COL8A2: variants seen among roughly 807,000 people sequenced by gnomAD.
COL8A2 encodes the protein collagen type VIII alpha 2 chain.
A neutral mutation model predicts 24.0 loss-of-function variants in COL8A2; 16 were observed. The observed-to-expected ratio is 0.67, with a 90% CI of 0.45 to 1.01. The LOEUF (loss-of-function observed/expected upper bound fraction) is 1.01, where lower values mean the gene tolerates loss of function less well. Among genes scored for constraint, COL8A2 ranks in the 50% least tolerant of loss-of-function variants. The pLI is 0.00. For synonymous variants in COL8A2, 466 were observed against 424.5 expected (o/e 1.10, Z -1.20); for missense variants, 818 against 942.4 (o/e 0.87, Z 1.73).
In COL8A2 at chr1:36,099,086, G is replaced by A; in HGVS notation, c.595C>T (p.Pro199Ser). 1 of 1,506,964 alleles carries A rather than the reference G, an allele frequency of 6.6e-7. No homozygotes were observed. Among genetic ancestry groups the A allele is most frequent in the Non-Finnish European group, 8.9e-7 (1 of 1,129,502 alleles). The allele number at this position is 1,506,964 out of a possible 1,614,324, so 93.3% of individuals were successfully genotyped here. A position where few individuals can be genotyped will look rare whatever the true frequency, so the allele number is the denominator to read the frequency against. The change falls in exon 4 of 4, where the codon CCA becomes TCA. Residue 199 changes from proline to serine, a missense_variant. This residue lies in a region of COL8A2 where 573 missense variants were observed against 616.8 expected (regional missense o/e 0.93). Coordinates refer to ENST00000397799, the MANE Select transcript of COL8A2 (RefSeq NM_005202.4). Reference protein sequence around the residue: ...EPGPQGEPGPPGDRGLKGDNG... With the variant: ...EPGPQGEPGPSGDRGLKGDNG... Reference sequence around the variant, plus strand: ...TCCCCCTTGAGGCCTCGATCACCTGGGGGCCCAGGCTCCCCCTGGGGCCCT... The same window carrying A: ...TCCCCCTTGAGGCCTCGATCACCTGAGGGCCCAGGCTCCCCCTGGGGCCCT...
Position 36,097,843 on chromosome 1 carries a change from G to T in COL8A2, c.1838C>A (p.Thr613Asn), listed in dbSNP as rs914457455. 6.2e-7 allele frequency: 1 copy of T among 1,613,248 alleles called. No individual in the cohort carries two copies. Among genetic ancestry groups the T allele is most frequent in the East Asian group, 2.2e-5 (1 of 44,890 alleles). The change falls in exon 4 of 4, where the codon ACC (threonine) becomes AAC (asparagine). Residue 613 changes from threonine (T) to asparagine (N), a missense_variant. Coordinates refer to ENST00000397799, the MANE Select transcript of COL8A2 (RefSeq NM_005202.4). ...SGYNPATGIFTCPVGGVYYFA... is the reference protein window; with the variant it reads ...SGYNPATGIFNCPVGGVYYFA... ...GTAGTAGACGCCGCCCACAGGGCAG[G>T]TGAAGATGCCAGTGGCTGGGTTGTA... is the stretch of plus-strand genomic sequence containing the variant.
Position 36,115,968 on chromosome 1 carries a change from GTGGGTGGTAT to G in COL8A2, c.-61-226_-61-217del, listed in dbSNP as rs1330374301. 6.6e-6 allele frequency among the ~76,000 whole-genome samples: 1 copy of G among 151,740 alleles called. No homozygotes were observed. Among genetic ancestry groups the G allele is most frequent in the Non-Finnish European group, 1.5e-5 (1 of 67,952 alleles). On this transcript the variant is annotated intron_variant, in intron 1 of 3. Coordinates refer to ENST00000397799, the MANE Select transcript of COL8A2 (RefSeq NM_005202.4). This position sits in a 1 kb window ranked among gnomAD's most constrained non-coding sequence, Gnocchi z 5.7. ...AGTCCCAGCTACTTAGGAGGCTGAG[GTGGGTGGTAT>G]TGCTTGAGCCCAGGAGTTCAAGACT...
intron 2 of COL8A2, among the ~76,000 whole-genome samples, chr1:36,101,044 C>A (rs971337122): frequency 3.3e-5 from 5 of 152,040 alleles, no homozygotes; most frequent in African/African-American, 1.2e-4. Context: ...TAGGTGTGTG[C>A]CACCACGCCT....
At chr1:36,102,720 G>A (rs1643697881) in intron 2 of COL8A2, among the ~76,000 whole-genome samples, 1 of 125,486 alleles carries the variant, frequency 8.0e-6, no homozygotes, top group Admixed American at 1.0e-4. Context: ...TGCCCAGGCT[G>A]GAGTGCAGTG....
In COL8A2 at chr1:36,097,377, AACTC is replaced by A. The variant is rs1239962882; in HGVS notation, c.*188_*191del. On this transcript the variant is annotated 3_prime_UTR_variant, in exon 4 of 4. Coordinates refer to ENST00000397799, the MANE Select transcript of COL8A2 (RefSeq NM_005202.4). ...ACTGCACAGACATTTGGGGGAAAGA[AACTC>A]AGGCCAGCCCCTTCCAGAAACAATC... is the stretch of plus-strand genomic sequence containing the variant. 3 of 601,460 alleles carry A rather than the reference AACTC, an allele frequency of 5.0e-6. No individual in the cohort carries two copies. Among genetic ancestry groups the A allele is most frequent in the South Asian group, 4.0e-5 (2 of 49,784 alleles). The allele number at this position is 601,460 out of a possible 1,614,324, so 37.3% of individuals were successfully genotyped here.
intron 2 of COL8A2, among the ~76,000 whole-genome samples, chr1:36,108,967 A>G (rs1049964877): frequency 6.6e-6 from 1 of 152,122 alleles, no homozygotes; most frequent in Non-Finnish European, 1.5e-5. Context: ...AGAGGTCTCA[A>G]TAAAAAAGGG....
At chr1:36,124,988 A>G (rs1249341071) in intron 1 of COL8A2, 69 bp downstream of exon 1, 6 of 601,332 alleles carry the variant, frequency 1.0e-5, no homozygotes, top group Non-Finnish European at 1.3e-5. Context: ...GTGTTGGGGG[A>G]AGCCCAGCCC....
rs80358192 is a variant in COL8A2 at position 36,098,332 on chromosome 1, A to G, written c.1349T>C (p.Leu450Ser). The change falls in exon 4 of 4, where the codon TTG becomes TCG. Residue 450 changes from leucine to serine, a missense_variant. Around this residue, in one of 3 missense-constraint regions of COL8A2, gnomAD observed 573 missense variants for 616.8 expected, o/e 0.93. Transcript: ENST00000397799. The part of the protein sequence containing the change: ...VAGALGQKGD[L>S]GLPGQPGLRG... ...CAGGCCAGGCTGCCCAGGGAGCCCC[A>G]AGTCACCTTTCTGCCCCAGGGCTCC... 46 of 1,549,910 alleles carry G rather than the reference A, an allele frequency of 3.0e-5. No homozygotes were observed. In the African/African-American group the frequency reaches 5.8e-4, roughly 19 times the overall value.
chr1:36,099,632 TG>T (rs1202664919), intron 3 of COL8A2, 145 bp from the exon 4 acceptor site: 4 of 699,686 alleles, frequency 5.7e-6, no homozygotes, highest in South Asian at 1.7e-5. Flanking sequence ...AGATGGGGTT[TG>T]GGGGTGGCCC....
chr1:36,100,391 T>A, intron 2 of COL8A2, 133 bp from the exon 3 acceptor site: 1 of 875,754 alleles, frequency 1.1e-6, no homozygotes, highest in Admixed American at 2.2e-5. Context: ...CAATTCCGAA[T>A]TTAGATATTA....
intron 2 of COL8A2, among the ~76,000 whole-genome samples, chr1:36,107,588 C>A (rs528419927): frequency 2.0e-5 from 3 of 152,180 alleles, no homozygotes; most frequent in Non-Finnish European, 4.4e-5. Context: ...ATGCGCCCAT[C>A]TGGGTGGAGC....
chr1:36,109,929 CTT>C (rs35479902), intron 2 of COL8A2, among the ~76,000 whole-genome samples: 6,623 of 92,028 alleles, frequency 0.072, 260 homozygotes, highest in East Asian at 0.27. Context: ...CCTTTACTTC[CTT>C]TTTTTTTTTT....
At chr1:36,122,264 G>T (rs961505236) in intron 1 of COL8A2, among the ~76,000 whole-genome samples, 3 of 152,172 alleles carry the variant, frequency 2.0e-5, no homozygotes, top group African/African-American at 7.2e-5. Context: ...CTGAGGCACA[G>T]AGCTGGGAAG....
Position 36,097,896 on chromosome 1 carries a change from G to A in COL8A2, c.1785C>T (p.Asp595=). The A allele has an allele frequency of 6.2e-7, 1 of 1,612,436 alleles. No homozygotes were observed. Among genetic ancestry groups the A allele is most frequent in the Non-Finnish European group, 8.5e-7 (1 of 1,179,994 alleles). Residue 595 remains aspartate, a synonymous_variant, in exon 4 of 4, where the codon GAC becomes GAT. Transcript: ENST00000397799. ...FPASGMPVKF[D]RTLYNGHSGY... is the part of the protein sequence containing the mutation. ...CGCTGTGGCCATTGTAGAGAGTCCG[G>A]TCAAATTTCACGGGCATGCCCGAGG...
chr1:36,099,958 G>A, intron 3 of COL8A2, 92 bp downstream of exon 3: 1 of 1,220,254 alleles, frequency 8.2e-7, no homozygotes, highest in East Asian at 2.4e-5. Context: ...AGGAGCTGTG[G>A]AGGGCGCCTG....
intron 2 of COL8A2, among the ~76,000 whole-genome samples, chr1:36,105,078 G>A (rs1217451600): frequency 6.6e-6 from 1 of 152,094 alleles, no homozygotes; most frequent in Non-Finnish European, 1.5e-5. Context: ...ATGTGTGTGG[G>A]GAGAAGGCCT....
intron 2 of COL8A2, among the ~76,000 whole-genome samples, chr1:36,106,245 C>CAGAG (rs1024358130): frequency 3.3e-5 from 5 of 149,914 alleles, no homozygotes; most frequent in African/African-American, 1.2e-4. Context: ...GCTTGGGCGA[C>CAGAG]AGAGAGAGAC....
intron 1 of COL8A2, among the ~76,000 whole-genome samples, chr1:36,124,767 T>A (rs572847398): frequency 3.7e-4 from 56 of 151,974 alleles, no homozygotes; most frequent in Non-Finnish European, 7.1e-4. Flanking sequence ...CAGAGCCACA[T>A]CGTCGGGGGT....
Position 36,098,307 on chromosome 1 carries a change from C to T in COL8A2, c.1374G>A (p.Leu458=), listed in dbSNP as rs1481507189. The T allele has an allele frequency of 6.5e-7, 1 of 1,547,792 alleles. No homozygotes were observed. Residue 458 remains leucine (L), a synonymous_variant, in exon 4 of 4, where the codon CTG becomes CTA. Coordinates refer to ENST00000397799, the MANE Select transcript of COL8A2 (RefSeq NM_005202.4). ...GDLGLPGQPG[L]RGPSGIPGLQ... The stretch of plus-strand genomic sequence containing the variant: ...GTCCTGGGATTCCTGAGGGACCCCT[C>T]AGGCCAGGCTGCCCAGGGAGCCCCA...
Sources: gnomAD v4.1 joint callset for allele counts (sites outside exome capture counted in the v4.1 genomes callset) on GRCh38, gnomAD v4.1.1 for gene constraint, gnomAD v4.1.1 regional missense constraint, Gnocchi (gnomAD v3.1) non-coding constraint, MANE v1.5 for transcripts, NCBI Gene and HGNC (gene_info 2026-07-23, HGNC 2026-07-21) for gene names.